Variants in DST observed in about 807,000 individuals in gnomAD.
DST encodes the protein dystonin, also known as bullous pemphigoid antigen.
A neutral mutation model predicts 875.2 loss-of-function variants in DST; 253 were observed. That is an observed-to-expected ratio of 0.29 (90% CI 0.26 to 0.32). DST has a LOEUF of 0.32. Ranked by LOEUF, DST falls within the 10% of genes least tolerant of loss-of-function variation. The pLI is 1.00. For synonymous variants in DST, 3,124 were observed against 3,197.1 expected, an observed-to-expected ratio of 0.98 and a Z score of 0.77; for missense variants, 8,287 against 9,111.6, an observed-to-expected ratio of 0.91 and a Z score of 3.68.
chr6:56,879,749 C>A (rs540505366), intron 3 of DST, among the ~76,000 whole-genome samples: 47 of 152,202 alleles, frequency 3.1e-4, no homozygotes, highest in Admixed American at 4.6e-4. Flanking sequence ...AAGTTATGAC[C>A]CCCATTCTAA....
In DST at chr6:56,640,065, C is replaced by T. The variant is rs372435739; in HGVS notation, c.2491-8G>A. 2 of 1,613,930 alleles carry T rather than the reference C, an allele frequency of 1.2e-6. No homozygotes were observed. The highest frequency in any genetic ancestry group is 2.2e-5 in the East Asian group (1 of 44,874). ...AGTGCGGTCCAGTTGTACCTTCAGACAGTAAAATACTAAGTTTAAAAAAGA... is the reference window on the plus strand; with the variant it reads ...AGTGCGGTCCAGTTGTACCTTCAGATAGTAAAATACTAAGTTTAAAAAAGA... On this transcript the variant is annotated splice_region_variant and splice_polypyrimidine_tract_variant and intron_variant, in intron 18 of 103. Transcript: ENST00000680361.
rs761296078 is a variant in DST at position 56,606,342 on chromosome 6, A to G, written c.8286T>C (p.Ser2762=). The G allele has an allele frequency of 6.2e-7, 1 of 1,612,794 alleles. No homozygotes were observed. The highest frequency in any genetic ancestry group is 1.1e-5 in the South Asian group (1 of 90,994). ...SFTASLKFDD[S]GSWRGRKEEY... is the part of the protein sequence containing the mutation. ...CTTCCTTTCTTCCTCTCCAACTGCCACTGTCATCAAATTTTAATGATGCAG... is the reference window on the plus strand; with the variant it reads ...CTTCCTTTCTTCCTCTCCAACTGCCGCTGTCATCAAATTTTAATGATGCAG... The change falls in exon 40 of 104, where the codon AGT becomes AGC. Residue 2762 remains serine, a synonymous_variant. Transcript: ENST00000680361.
chr6:56,805,875 T>C (rs1369052852), intron 4 of DST, among the ~76,000 whole-genome samples: 3 of 152,198 alleles, frequency 2.0e-5, no homozygotes, highest in African/African-American at 7.2e-5. Flanking sequence ...GAATATTTAG[T>C]CCCAAATACA....
At chr6:56,519,731 C>A (rs1025529692) in intron 69 of DST, among the ~76,000 whole-genome samples, 1 of 150,178 alleles carries the variant, frequency 6.7e-6, no homozygotes, top group African/African-American at 2.5e-5. Context: ...GAATTGGGAA[C>A]CTGGACTTCT....
intron 4 of DST, among the ~76,000 whole-genome samples, chr6:56,748,439 A>C (rs1184378309): frequency 1.3e-5 from 2 of 152,220 alleles, no homozygotes; most frequent in Admixed American, 1.3e-4. Context: ...CTCATCTATA[A>C]AACAGAATCA....
intron 49 of DST, among the ~76,000 whole-genome samples, chr6:56,584,349 G>C (rs2098097055): frequency 6.6e-6 from 1 of 152,036 alleles, no homozygotes; most frequent in African/African-American, 2.4e-5. Context: ...TATTCTCTTG[G>C]AAGCAACTGT....
At chr6:56,515,385 C>T (rs2152485877) in intron 72 of DST, 65 bp downstream of exon 72, 1 of 1,556,500 alleles carries the variant, frequency 6.4e-7, no homozygotes, top group South Asian at 1.2e-5. Flanking sequence ...GTACTAAAAA[C>T]CACCATAAAA....
intron 58 of DST, among the ~76,000 whole-genome samples, chr6:56,558,739 C>T (rs762213977): frequency 9.9e-5 from 15 of 152,058 alleles, no homozygotes; most frequent in Non-Finnish European, 1.6e-4. Context: ...TCAAGGCCTC[C>T]CACAATCTTT....
rs763526422 is a variant in DST at position 56,604,362 on chromosome 6, G to A, written c.10266C>T (p.Asn3422=). Residue 3422 remains asparagine (N), a synonymous_variant, in exon 40 of 104, where the codon AAC becomes AAT. Coordinates refer to ENST00000680361, the MANE Select transcript of DST (RefSeq NM_001374736.1). ...TACTTTCTGGCTTTAGTTCTGATGA[G>A]TTAGTCATGGGGGAAACTCCAGAAG... The part of the protein sequence containing the change: ...SDSSGVSPMT[N]SSELKPESRD... The A allele has an allele frequency of 3.1e-6, 5 of 1,612,214 alleles. No homozygotes were observed. Among genetic ancestry groups the A allele is most frequent in the Non-Finnish European group, 4.2e-6 (5 of 1,179,012 alleles).
intron 4 of DST, among the ~76,000 whole-genome samples, chr6:56,783,715 T>C (rs967274237): frequency 6.6e-6 from 1 of 152,142 alleles, no homozygotes; most frequent in African/African-American, 2.4e-5. Context: ...GAGCATTTAG[T>C]CCATTTACAT....
At chr6:56,655,118 G>C (rs113113375) in intron 10 of DST, among the ~76,000 whole-genome samples, 1 of 143,094 alleles carries the variant, frequency 7.0e-6, no homozygotes, top group East Asian at 2.0e-4. Flanking sequence ...CCGAGATCGC[G>C]CCATTGCATC....
chr6:56,865,307 G>A (rs905428664), intron 3 of DST, among the ~76,000 whole-genome samples: 1 of 151,578 alleles, frequency 6.6e-6, no homozygotes, highest in Non-Finnish European at 1.5e-5. Flanking sequence ...CTGTATGTGT[G>A]TGTGTGTAAG....
At chr6:56,625,622 G>A (rs1332932460) in intron 34 of DST, among the ~76,000 whole-genome samples, 1 of 151,688 alleles carries the variant, frequency 6.6e-6, no homozygotes, top group Non-Finnish European at 1.5e-5. Flanking sequence ...CAAAAGTATA[G>A]CACACACAAT....
In DST at chr6:56,877,061, A is replaced by G. The variant is rs547276078; in HGVS notation, c.417+23360T>C. Reference sequence around the variant, plus strand: ...ATTTGTATCAAAGTAAAATGTGCCTATAAGAAGCAAATAATGCTAAAAAAA... The same window carrying G: ...ATTTGTATCAAAGTAAAATGTGCCTGTAAGAAGCAAATAATGCTAAAAAAA... On this transcript the variant is annotated intron_variant, in intron 3 of 103. Transcript: ENST00000680361. 5.9e-5 allele frequency among the ~76,000 whole-genome samples: 9 copies of G among 152,304 alleles called. No individual in the cohort carries two copies. In the East Asian group the frequency reaches 1.7e-3, roughly 29 times the overall value.
rs1233223618 is a variant in DST at position 56,620,569 on chromosome 6, G to A, written c.4929+3961C>T. ...CCTTCGGAAGTTCTTCCTCTACTCG[G>A]GACTTTTGTTTCTTTAGTTCAGCTA... On this transcript the variant is annotated intron_variant, in intron 36 of 103. Coordinates refer to ENST00000680361, the MANE Select transcript of DST (RefSeq NM_001374736.1). 5 of 1,613,642 alleles carry A rather than the reference G, an allele frequency of 3.1e-6. No homozygotes were observed. Among genetic ancestry groups the A allele is most frequent in the South Asian group, 1.1e-5 (1 of 91,076 alleles).
At chr6:56,583,048 A>G (rs1562950529) in intron 49 of DST, among the ~76,000 whole-genome samples, 1 of 152,224 alleles carries the variant, frequency 6.6e-6, no homozygotes, top group African/African-American at 2.4e-5. Context: ...TAGTGCTGCA[A>G]TAAACATATG....
At chr6:56,563,672 G>T (rs1046893925) in intron 55 of DST, among the ~76,000 whole-genome samples, 2 of 152,160 alleles carry the variant, frequency 1.3e-5, no homozygotes, top group African/African-American at 4.8e-5. Flanking sequence ...GTCCTGAATG[G>T]TATTTGCCTA....
At chr6:56,729,596 A>G (rs1485801471) in intron 5 of DST, among the ~76,000 whole-genome samples, 3 of 151,286 alleles carry the variant, frequency 2.0e-5, no homozygotes, top group Non-Finnish European at 4.4e-5. Context: ...GACAAGAGCA[A>G]AACTCCATCT....
chr6:56,641,857 T>A, intron 17 of DST, 90 bp downstream of exon 17: 1 of 1,043,862 alleles, frequency 9.6e-7, no homozygotes. Context: ...ATATATTTCA[T>A]AAAATTTTCA....
Sources: gnomAD v4.1 joint callset for allele counts (sites outside exome capture counted in the v4.1 genomes callset) on GRCh38, gnomAD v4.1.1 for gene constraint, MANE v1.5 for transcripts, NCBI Gene and HGNC (gene_info 2026-07-23, HGNC 2026-07-21) for gene names.